The following SF3B4 variants were observed in gnomAD, a reference collection of about 807,000 sequenced individuals.
SF3B4 encodes the protein splicing factor 3b subunit 4, also known as SAP 49.
SF3B4 carries 3 observed loss-of-function variants against 34.3 expected under a neutral mutation model. That is an observed-to-expected ratio of 0.09 (90% confidence interval 0.04 to 0.23). SF3B4 has a LOEUF of 0.23. Among genes scored for constraint, SF3B4 ranks in the 10% least tolerant of loss-of-function variants. The pLI is 1.00. For missense variants in SF3B4, 283 were observed against 567.2 expected, an observed-to-expected ratio of 0.50 and a Z score of 5.09; for synonymous variants, 216 against 207.8, an observed-to-expected ratio of 1.04 and a Z score of -0.34.
rs200896017 is a variant in SF3B4 at position 149,924,968 on chromosome 1, AC to A, written c.913+867del. 4.3e-4 allele frequency among the ~76,000 whole-genome samples: 65 copies of A among 152,352 alleles called. No individual in the cohort carries two copies. The East Asian group carries it at 0.012, about 29-fold the overall frequency. ...TGCACATCTGTGTCTTAAAAGACCT[AC>A]ACTGTGAAAGTAGATCAAAGTTAGG... On this transcript the variant is annotated intron_variant, in intron 4 of 5. Transcript: ENST00000271628.
At chr1:149,924,404 T>A (rs1414530308) in intron 4 of SF3B4, among the ~76,000 whole-genome samples, 3 of 151,868 alleles carry the variant, frequency 2.0e-5, no homozygotes, top group African/African-American at 7.3e-5. Flanking sequence ...GCCACTGCAC[T>A]CCAGCCTGGA....
At chr1:149,927,013 G>A (rs1553766120) in intron 2 of SF3B4, 95 bp from the exon 3 acceptor site, 1 of 1,458,580 alleles carries the variant, frequency 6.9e-7, no homozygotes, top group Non-Finnish European at 9.2e-7. Flanking sequence ...GAACAAGAAA[G>A]AAACAACATC....
rs782240590 is a variant in SF3B4 at position 149,923,620 on chromosome 1, C to T, written c.1197G>A (p.Gly399=). 2.0e-6 allele frequency: 3 copies of T among 1,537,494 alleles called. No homozygotes were observed. The highest frequency in any genetic ancestry group is 4.9e-5 in the Admixed American group (2 of 40,650). Residue 399 remains glycine, a synonymous_variant, in exon 6 of 6, where the codon GGG becomes GGA. Transcript: ENST00000271628. ...PRPPPYGYQR[G]PLPPPRPTPR... ...GAGTGGGTCTGGGTGGAGGGAGAGG[C>T]CCCCGCTGGTAGCCATAGGGTGGGG...
chr1:149,924,765 G>A (rs1397907333), intron 4 of SF3B4, among the ~76,000 whole-genome samples: 7 of 152,160 alleles, frequency 4.6e-5, no homozygotes, highest in African/African-American at 1.4e-4. Context: ...TCACAGGTGT[G>A]GCAAACAGCA....
chr1:149,923,968 T>C lies in SF3B4; in HGVS notation c.960A>G (p.Gly320=), dbSNP rs368830866. ...QLAHHGPHGL[G]HPHAGPPGSG... is the part of the protein sequence containing the mutation. ...AGCCTGGGGGTCCAGCGTGGGGATG[T>C]CCTAAGCCATGAGGGCCATGGTGTG... The change falls in exon 5 of 6, where the codon GGA becomes GGG. Residue 320 remains glycine (G), a synonymous_variant. Coordinates refer to ENST00000271628, the MANE Select transcript of SF3B4 (RefSeq NM_005850.5). The C allele has an allele frequency of 3.8e-6, 6 of 1,576,206 alleles. No homozygotes were observed. The highest frequency in any genetic ancestry group is 5.1e-6 in the Non-Finnish European group (6 of 1,168,320).
Position 149,923,457 on chromosome 1 carries a change from C to A in SF3B4, c.*85G>T. ...GTGCTGAAAGGGATTAGTACCTTTG[C>A]CCCAAGGAGCTACAGCATCTCTGAT... On this transcript the variant is annotated 3_prime_UTR_variant, in exon 6 of 6. Transcript: ENST00000271628. 3 of 1,089,734 alleles carry A rather than the reference C, an allele frequency of 2.8e-6. No homozygotes were observed. Among genetic ancestry groups the A allele is most frequent in the Non-Finnish European group, 3.9e-6 (3 of 776,384 alleles). The allele number at this position is 1,089,734 out of a possible 1,614,324, so 67.5% of individuals were successfully genotyped here.
intron 2 of SF3B4, 114 bp from the exon 3 acceptor site, chr1:149,927,032 T>G (rs1053015923): frequency 2.7e-6 from 4 of 1,458,946 alleles, no homozygotes; most frequent in African/African-American, 1.4e-5. Flanking sequence ...TCACTTTACT[T>G]AAGAATGGTT....
At chr1:149,927,413 CAAAAA>C in intron 1 of SF3B4, 119 bp from the exon 2 acceptor site, 1 of 1,077,078 alleles carries the variant, frequency 9.3e-7, no homozygotes, top group Non-Finnish European at 1.3e-6. Flanking sequence ...GGGACAGGAG[CAAAAA>C]AAAAAGTTTA....
intron 1 of SF3B4, 48 bp from the exon 2 acceptor site, chr1:149,927,342 G>T: frequency 1.2e-6 from 2 of 1,602,380 alleles, no homozygotes; most frequent in Non-Finnish European, 1.7e-6. Context: ...GTAACGGGAA[G>T]GAAGGAAGTG....
chr1:149,924,334 G>A (rs1033826726), intron 4 of SF3B4, among the ~76,000 whole-genome samples: 1 of 152,086 alleles, frequency 6.6e-6, no homozygotes, highest in Non-Finnish European at 1.5e-5. Flanking sequence ...CTACTCAGGA[G>A]GCTGAGGTGG....
chr1:149,927,194 T>C lies in SF3B4; in HGVS notation c.135A>G (p.Pro45=). Reference sequence around the variant, plus strand: ...GGTGCTGGCCAGTGACTCTATCCTTTGGCATGTGGGTGTTGACTACTGGTC... The same window carrying C: ...GGTGCTGGCCAGTGACTCTATCCTTCGGCATGTGGGTGTTGACTACTGGTC... ...QAGPVVNTHM[P]KDRVTGQHQG... Residue 45 remains proline, a synonymous_variant, in exon 2 of 6, where the codon CCA becomes CCG. Transcript: ENST00000271628. The C allele has an allele frequency of 6.2e-7, 1 of 1,614,126 alleles. No homozygotes were observed. Among genetic ancestry groups the C allele is most frequent in the East Asian group, 2.2e-5 (1 of 44,884 alleles).
At chr1:149,924,264 A>G (rs587764945) in intron 4 of SF3B4, among the ~76,000 whole-genome samples, 1 of 152,164 alleles carries the variant, frequency 6.6e-6, no homozygotes, top group East Asian at 1.9e-4. Flanking sequence ...GTGAGACCCC[A>G]GCTCTATCAA....
chr1:149,926,248 C>T lies in SF3B4; in HGVS notation c.706+128G>A. ...ACTTTCTTCTTCACCACTACCATCA[C>T]CCCTCAGTCCTCTTCCCATCAACTC... On this transcript the variant is annotated intron_variant, in intron 3 of 5. Coordinates refer to ENST00000271628, the MANE Select transcript of SF3B4 (RefSeq NM_005850.5). This position sits in a 1 kb window ranked among gnomAD's most constrained non-coding sequence, Gnocchi z 6.2. 1 of 848,148 alleles carries T rather than the reference C, an allele frequency of 1.2e-6. No homozygotes were observed. The highest frequency in any genetic ancestry group is 1.8e-6 in the Non-Finnish European group (1 of 550,386). 52.5% of individuals were successfully genotyped at this position (848,148 alleles called of 1,614,324 possible).
rs782138032 is a variant in SF3B4 at position 149,926,944 on chromosome 1, A to G, written c.164-26T>C. The G allele has an allele frequency of 6.4e-7, 1 of 1,574,742 alleles. No individual in the cohort carries two copies. Among genetic ancestry groups the G allele is most frequent in the Non-Finnish European group, 8.6e-7 (1 of 1,162,122 alleles). Reference sequence around the variant, plus strand: ...CTGGAAAAGTGGAGAAGAGGAGGTTAACAACGTAAGTAAAGAGACTGAAAA... The same window carrying G: ...CTGGAAAAGTGGAGAAGAGGAGGTTGACAACGTAAGTAAAGAGACTGAAAA... On this transcript the variant is annotated intron_variant, in intron 2 of 5. Transcript: ENST00000271628. This position sits in a 1 kb window ranked among gnomAD's most constrained non-coding sequence, Gnocchi z 6.2.
At chr1:149,927,352 G>C in intron 1 of SF3B4, 58 bp from the exon 2 acceptor site, 2 of 1,595,804 alleles carry the variant, frequency 1.3e-6, no homozygotes, top group Non-Finnish European at 1.7e-6. Flanking sequence ...GGAAGGAAGT[G>C]ATGGAAACAT....
chr1:149,923,923 G>A lies in SF3B4; in HGVS notation c.1005C>T (p.Pro335=). The stretch of plus-strand genomic sequence containing the variant: ...GATGAGGCATTCCAGGTGGTGGTCG[G>A]GGCGGTGGCTGGCCCCCAGAGCCTG... ...GPPGSGGQPP[P]RPPPGMPHPG... The change falls in exon 5 of 6, where the codon CCC becomes CCT. Residue 335 remains proline (P), a synonymous_variant. Transcript: ENST00000271628. The A allele has an allele frequency of 6.3e-7, 1 of 1,599,482 alleles. No individual in the cohort carries two copies. Among genetic ancestry groups the A allele is most frequent in the South Asian group, 1.1e-5 (1 of 89,344 alleles).
intron 1 of SF3B4, 120 bp downstream of exon 1, chr1:149,927,606 G>A (rs1290700525): frequency 7.4e-7 from 1 of 1,347,078 alleles, no homozygotes; most frequent in African/African-American, 1.4e-5. Flanking sequence ...CAGAGGGCCG[G>A]TCTCGCGCCC....
Position 149,926,052 on chromosome 1 carries a change from A to G in SF3B4, c.707-10T>C. On this transcript the variant is annotated splice_polypyrimidine_tract_variant and intron_variant, in intron 3 of 5. Coordinates refer to ENST00000271628, the MANE Select transcript of SF3B4 (RefSeq NM_005850.5). This position sits in a 1 kb window ranked among gnomAD's most constrained non-coding sequence, Gnocchi z 6.2. Reference sequence around the variant, plus strand: ...CCAGGAGGAGGCATGCCTATAGAGGAAATGGAAAAAGGAAGAGTTAATGGT... The same window carrying G: ...CCAGGAGGAGGCATGCCTATAGAGGGAATGGAAAAAGGAAGAGTTAATGGT... The G allele has an allele frequency of 7.1e-7, 1 of 1,407,550 alleles. No homozygotes were observed. The highest frequency in any genetic ancestry group is 1.4e-5 in the African/African-American group (1 of 69,664). 87.2% of individuals were successfully genotyped at this position (1,407,550 alleles called of 1,614,324 possible).
rs371705903 is a variant in SF3B4 at position 149,924,660 on chromosome 1, T to C, written c.914-646A>G. On this transcript the variant is annotated intron_variant, in intron 4 of 5. Transcript: ENST00000271628. ...TTGAGAAAGTAGCAGAGGACATAAC[T>C]GTCTAAGCAAAGATCTAATTCTAAA... Among the ~76,000 whole-genome samples, 67 of 152,224 alleles carry C rather than the reference T, an allele frequency of 4.4e-4. 1 individual carries two copies. In the East Asian group the frequency reaches 0.011, roughly 25 times the overall value.
Sources: gnomAD v4.1 joint callset for allele counts (sites outside exome capture counted in the v4.1 genomes callset) on GRCh38, gnomAD v4.1.1 for gene constraint, Gnocchi (gnomAD v3.1) non-coding constraint, MANE v1.5 for transcripts, NCBI Gene and HGNC (gene_info 2026-07-23, HGNC 2026-07-21) for gene names.